The following STPG4 variants were observed in gnomAD, a reference collection of about 807,000 sequenced individuals.
STPG4 encodes protein STPG4.
Under a neutral mutation model 31.5 loss-of-function variants are expected in STPG4, and 41 were observed. The ratio of observed to expected loss-of-function variants is 1.30; its 90% CI spans 1.01 to 1.69. The LOEUF is 1.69. Among genes scored for constraint, STPG4 ranks in the 40% most tolerant of loss-of-function variants. The pLI is 0.00. For synonymous variants in STPG4, 141 were observed against 103.0 expected, an observed-to-expected ratio of 1.37 and a Z score of -2.24; for missense variants, 375 against 293.4, an observed-to-expected ratio of 1.28 and a Z score of -2.03.
intron 5 of STPG4, among the ~76,000 whole-genome samples, chr2:47,110,041 A>G (rs1028014093): frequency 1.8e-4 from 26 of 147,580 alleles, no homozygotes; most frequent in African/African-American, 7.0e-4. Context: ...TCTGACATCA[A>G]AGAAACCCAC....
chr2:47,127,610 T>C (rs1440874662), intron 5 of STPG4, among the ~76,000 whole-genome samples: 4 of 152,178 alleles, frequency 2.6e-5, no homozygotes, highest in Non-Finnish European at 5.9e-5. Flanking sequence ...AGTTCTGCTA[T>C]TGGGAGACTC....
chr2:47,125,626 T>C (rs2103773838), intron 5 of STPG4, among the ~76,000 whole-genome samples: 1 of 152,344 alleles, frequency 6.6e-6, no homozygotes, highest in East Asian at 1.9e-4. Context: ...TGCCTGTGCT[T>C]GTGGGGTGTC....
At chr2:47,153,403 C>T (rs1686973462) in intron 1 of STPG4, among the ~76,000 whole-genome samples, 1 of 152,200 alleles carries the variant, frequency 6.6e-6, no homozygotes, top group South Asian at 2.1e-4. Context: ...TTACCCAACC[C>T]TCGTGCTTCC....
chr2:47,135,795 T>C (rs1385385461), intron 3 of STPG4, among the ~76,000 whole-genome samples: 1 of 152,266 alleles, frequency 6.6e-6, no homozygotes, highest in Non-Finnish European at 1.5e-5. Flanking sequence ...CAGTTGACTA[T>C]ATTTTTGTGT....
chr2:47,103,580 G>A (rs1271509579), intron 5 of STPG4, among the ~76,000 whole-genome samples: 1 of 151,916 alleles, frequency 6.6e-6, no homozygotes, highest in Non-Finnish European at 1.5e-5. Context: ...AAATGGAGCA[G>A]GCCAATCACC....
At chr2:47,154,739 A>G (rs1686996344) in intron 1 of STPG4, among the ~76,000 whole-genome samples, 1 of 152,238 alleles carries the variant, frequency 6.6e-6, no homozygotes, top group Non-Finnish European at 1.5e-5. Flanking sequence ...AGAAAAACGT[A>G]GCAAAAGTAG....
At chr2:47,089,498 C>T (rs76434951) in intron 6 of STPG4, among the ~76,000 whole-genome samples, 2,193 of 152,286 alleles carry the variant, frequency 0.014, 52 homozygotes, top group African/African-American at 0.049. Flanking sequence ...CCCTTGACTC[C>T]CCTGGGTGGG....
intron 2 of STPG4, among the ~76,000 whole-genome samples, chr2:47,152,298 A>C (rs939260998): frequency 6.6e-6 from 1 of 152,236 alleles, no homozygotes; most frequent in Admixed American, 6.5e-5. Flanking sequence ...TTAGTCCAAT[A>C]AGAGGTTTGG....
In STPG4 at chr2:47,091,088, T is replaced by A. The variant is rs1240868754; in HGVS notation, c.520-714A>T. The stretch of plus-strand genomic sequence containing the variant: ...GGGGGTTCTAAAAATTAAAACAGGT[T>A]AAGAAAGAACAGAGAGAGGAAGGAA... On this transcript the variant is annotated intron_variant, in intron 5 of 6. Coordinates refer to ENST00000445927, the MANE Select transcript of STPG4 (RefSeq NM_001163561.2). 2.4e-5 allele frequency among the ~76,000 whole-genome samples: 3 copies of A among 125,188 alleles called. No individual in the cohort carries two copies. In the East Asian group the frequency reaches 7.1e-4, roughly 30 times the overall value. The allele number at this position is 125,188 out of a possible 152,430, so 82.1% of individuals were successfully genotyped here.
At chr2:47,127,387 G>C (rs1234251868) in intron 5 of STPG4, among the ~76,000 whole-genome samples, 1 of 147,470 alleles carries the variant, frequency 6.8e-6, no homozygotes, top group African/African-American at 2.5e-5. Flanking sequence ...TCATGCCTCA[G>C]CCTCTCAAGT....
intron 5 of STPG4, among the ~76,000 whole-genome samples, chr2:47,122,334 T>TA (rs1270594421): frequency 2.0e-5 from 3 of 152,216 alleles, no homozygotes; most frequent in Non-Finnish European, 4.4e-5. Context: ...AAAGCATTTT[T>TA]AATGTTATAT....
At chr2:47,126,212 T>C (rs1011193831) in intron 5 of STPG4, among the ~76,000 whole-genome samples, 30 of 152,238 alleles carry the variant, frequency 2.0e-4, no homozygotes, top group African/African-American at 7.0e-4. Context: ...CTGGGTCTTT[T>C]GTGGTTCCAC....
At chr2:47,130,122 G>C in intron 4 of STPG4, 74 bp downstream of exon 4, 1 of 1,496,040 alleles carries the variant, frequency 6.7e-7, no homozygotes, top group Non-Finnish European at 9.3e-7. Flanking sequence ...GCATAAATGA[G>C]GTTTAAAAGC....
intron 5 of STPG4, among the ~76,000 whole-genome samples, chr2:47,106,432 G>C (rs112488831): frequency 6.6e-6 from 1 of 151,828 alleles, no homozygotes; most frequent in African/African-American, 2.4e-5. Flanking sequence ...TACAGGAACC[G>C]GAATAGCTGG....
chr2:47,116,652 T>A (rs1396782744), intron 5 of STPG4, among the ~76,000 whole-genome samples: 1 of 152,208 alleles, frequency 6.6e-6, no homozygotes, highest in African/African-American at 2.4e-5. Flanking sequence ...TTCTCTCAGA[T>A]ACCCTAATTC....
intron 5 of STPG4, among the ~76,000 whole-genome samples, chr2:47,123,181 C>T (rs1686307912): frequency 6.6e-6 from 1 of 152,158 alleles, no homozygotes; most frequent in Non-Finnish European, 1.5e-5. Flanking sequence ...ATTTTTTTGA[C>T]ATCCTACTGA....
rs35729993 is a variant in STPG4, at chr2:47,097,953, TAA to T, written c.520-7581_520-7580del. 3.8e-3 allele frequency among the ~76,000 whole-genome samples: 488 copies of T among 130,038 alleles called. 2 individuals carry two copies. Among genetic ancestry groups the T allele is most frequent in the African/African-American group, 0.012 (425 of 35,882 alleles). The allele number at this position is 130,038 out of a possible 152,430, so 85.3% of individuals were successfully genotyped here. On this transcript the variant is annotated intron_variant, in intron 5 of 6. Coordinates refer to ENST00000445927, the MANE Select transcript of STPG4 (RefSeq NM_001163561.2). ...ACCAACATGGTGAAACCCCATCTCT[TAA>T]AAAAAAAAAAAAAAAAATGCACTGA...
chr2:47,121,561 C>G (rs1010607306), intron 5 of STPG4, among the ~76,000 whole-genome samples: 12 of 152,154 alleles, frequency 7.9e-5, no homozygotes, highest in African/African-American at 2.9e-4. Context: ...ATGAAACCCA[C>G]CTGGAGATAA....
chr2:47,148,340 G>A (rs148181105), intron 3 of STPG4, among the ~76,000 whole-genome samples: 234 of 151,752 alleles, frequency 1.5e-3, no homozygotes, highest in Non-Finnish European at 2.7e-3. Flanking sequence ...TCAGCACTTG[G>A]GTGATGGGAT....
Sources: gnomAD v4.1 joint callset for allele counts (sites outside exome capture counted in the v4.1 genomes callset) on GRCh38, gnomAD v4.1.1 for gene constraint, MANE v1.5 for transcripts, NCBI Gene and HGNC (gene_info 2026-07-23, HGNC 2026-07-21) for gene names.